Variants in CNTN5 observed in about 807,000 individuals in gnomAD.
The protein encoded by CNTN5 is contactin-5.
In CNTN5, 77 loss-of-function variants were observed where a neutral mutation model predicts 129.1. The ratio of observed to expected loss-of-function variants is 0.60; its 90% CI spans 0.50 to 0.72. CNTN5 has a LOEUF of 0.72. Among genes scored for constraint, CNTN5 ranks in the 30% least tolerant of loss-of-function variants. CNTN5 has a pLI of 0.00. For synonymous variants in CNTN5, 509 were observed against 465.6 expected (o/e 1.09, Z -1.20); for missense variants, 1,478 against 1,328.8 (o/e 1.11, Z -1.75).
At chr11:99,958,414 A>G (rs1407781364) in intron 8 of CNTN5, among the ~76,000 whole-genome samples, 1 of 152,240 alleles carries the variant, frequency 6.6e-6, no homozygotes, top group Non-Finnish European at 1.5e-5. Context: ...AAAAGAACAC[A>G]GCTGAAGAAG....
At chr11:99,694,174 C>T (rs1245496419) in intron 3 of CNTN5, among the ~76,000 whole-genome samples, 1 of 151,798 alleles carries the variant, frequency 6.6e-6, no homozygotes, top group Admixed American at 6.6e-5. Context: ...GGCTCTGAAG[C>T]CAATACGGCT....
chr11:99,743,170 A>C (rs10501923), intron 3 of CNTN5, among the ~76,000 whole-genome samples: 34,809 of 152,078 alleles, frequency 0.23, 4,357 homozygotes, highest in Admixed American at 0.36. Flanking sequence ...GAAGAATCTC[A>C]ATTATATCAG....
chr11:99,497,523 G>C (rs1424469808), intron 2 of CNTN5, among the ~76,000 whole-genome samples: 1 of 152,008 alleles, frequency 6.6e-6, no homozygotes, highest in African/African-American at 2.4e-5. Context: ...TCCAAGAAAG[G>C]GCAGTAATAA....
At position 99,423,097 on chromosome 11, in the gene CNTN5, C is replaced by G. The variant is rs74751787; in HGVS notation, c.-71+97613C>G. On this transcript the variant is annotated intron_variant, in intron 2 of 24. Coordinates refer to ENST00000524871, the MANE Select transcript of CNTN5 (RefSeq NM_014361.4). The stretch of plus-strand genomic sequence containing the variant: ...AGAGAAATCCCACCTTTACGTAGAG[C>G]CAAGCAGATACATATCATTACATAT... 7.7e-3 allele frequency among the ~76,000 whole-genome samples: 1,167 copies of G among 152,154 alleles called. 19 individuals carry two copies. Among genetic ancestry groups the G allele is most frequent in the African/African-American group, 0.027 (1,123 of 41,518 alleles).
At chr11:99,672,826 A>C (rs1434180899) in intron 3 of CNTN5, among the ~76,000 whole-genome samples, 1 of 151,840 alleles carries the variant, frequency 6.6e-6, no homozygotes, top group African/African-American at 2.4e-5. Flanking sequence ...GGCTATGGGG[A>C]GGAGAAACAA....
At chr11:99,490,153 A>G (rs1945978916) in intron 2 of CNTN5, among the ~76,000 whole-genome samples, 1 of 152,186 alleles carries the variant, frequency 6.6e-6, no homozygotes, top group South Asian at 2.1e-4. Flanking sequence ...ATACCTTACA[A>G]ATAATAATGT....
chr11:99,222,016 CT>C (rs1245976864), intron 1 of CNTN5, among the ~76,000 whole-genome samples: 1 of 151,764 alleles, frequency 6.6e-6, no homozygotes, highest in African/African-American at 2.4e-5. Flanking sequence ...CTTTTTTTGT[CT>C]TCAGTAACTT....
chr11:100,173,959 G>A (rs1188018254), intron 13 of CNTN5, among the ~76,000 whole-genome samples: 3 of 152,090 alleles, frequency 2.0e-5, no homozygotes, highest in Non-Finnish European at 4.4e-5. Context: ...CAGCTGCAGG[G>A]TCCTGGGTCC....
chr11:100,117,844 G>A (rs10791183), intron 13 of CNTN5, among the ~76,000 whole-genome samples: 61,104 of 151,412 alleles, frequency 0.4, 14,103 homozygotes, highest in East Asian at 0.73. Flanking sequence ...GAATGAATAA[G>A]TCAATTGAAT....
intron 4 of CNTN5, among the ~76,000 whole-genome samples, chr11:99,830,402 A>G (rs1378772675): frequency 6.6e-6 from 1 of 152,122 alleles, no homozygotes; most frequent in East Asian, 1.9e-4. Flanking sequence ...ACTTTTGGCT[A>G]AATTTTATCA....
At chr11:99,719,899 A>G (rs1260900990) in intron 3 of CNTN5, among the ~76,000 whole-genome samples, 1 of 152,158 alleles carries the variant, frequency 6.6e-6, no homozygotes, top group Non-Finnish European at 1.5e-5. Context: ...TACTATGAAC[A>G]CCTCTACACA....
At chr11:100,343,526 A>G (rs890223531) in intron 23 of CNTN5, among the ~76,000 whole-genome samples, 2 of 152,114 alleles carry the variant, frequency 1.3e-5, no homozygotes, top group African/African-American at 4.8e-5. Flanking sequence ...TCTCCTCAGA[A>G]CGCGGGTTTT....
At chr11:99,288,836 AAAGCT>A (rs1864050917) in intron 1 of CNTN5, among the ~76,000 whole-genome samples, 1 of 152,032 alleles carries the variant, frequency 6.6e-6, no homozygotes, top group East Asian at 1.9e-4. Context: ...GGTAATTTAA[AAAGCT>A]AATACATCTG....
intron 13 of CNTN5, among the ~76,000 whole-genome samples, chr11:100,149,115 G>T (rs1439733400): frequency 6.6e-6 from 1 of 152,164 alleles, no homozygotes; most frequent in Non-Finnish European, 1.5e-5. Context: ...AATTTGACAT[G>T]TGAAGCTGCT....
chr11:100,106,868 A>G (rs1182374201), intron 13 of CNTN5, among the ~76,000 whole-genome samples: 1 of 152,138 alleles, frequency 6.6e-6, no homozygotes, highest in African/African-American at 2.4e-5. Flanking sequence ...AGACAAAAGT[A>G]AAATATCCTA....
chr11:100,267,293 AAAGAG>A (rs1180403930), intron 17 of CNTN5, among the ~76,000 whole-genome samples: 31 of 151,772 alleles, frequency 2.0e-4, no homozygotes, highest in African/African-American at 7.3e-4. Flanking sequence ...AGAGAGAGAG[AAAGAG>A]AGAGTGAGCA....
chr11:100,228,746 G>A (rs866728948), intron 16 of CNTN5, among the ~76,000 whole-genome samples: 2 of 152,182 alleles, frequency 1.3e-5, no homozygotes, highest in Non-Finnish European at 2.9e-5. Flanking sequence ...TCAGCCCTCG[G>A]CTGGCTCTAC....
chr11:99,496,740 T>C (rs1565231831), intron 2 of CNTN5, among the ~76,000 whole-genome samples: 2 of 152,200 alleles, frequency 1.3e-5, no homozygotes, highest in South Asian at 2.1e-4. Context: ...TCTGTGAAGT[T>C]GTTAGGATGC....
chr11:99,134,819 A>T (rs1434331966), intron 1 of CNTN5, among the ~76,000 whole-genome samples: 1 of 152,242 alleles, frequency 6.6e-6, no homozygotes, highest in African/African-American at 2.4e-5. Context: ...AATTAGGATC[A>T]GATTTCTAAT....
Sources: gnomAD v4.1 joint callset for allele counts (sites outside exome capture counted in the v4.1 genomes callset) on GRCh38, gnomAD v4.1.1 for gene constraint, MANE v1.5 for transcripts, NCBI Gene and HGNC (gene_info 2026-07-23, HGNC 2026-07-21) for gene names.